The following RESF1 variants were observed in gnomAD, a reference collection of about 807,000 sequenced individuals.
The protein encoded by RESF1 is retroelement silencing factor 1, also known as gonad expressed transcript.
In RESF1, 65 loss-of-function variants were observed where a neutral mutation model predicts 134.7. The ratio of observed to expected loss-of-function variants is 0.48; its 90% CI spans 0.40 to 0.59. The LOEUF is 0.59. Among genes scored for constraint, RESF1 ranks in the 20% least tolerant of loss-of-function variants. The pLI is 0.00. For synonymous variants in RESF1, 762 were observed against 702.2 expected (o/e 1.09, Z -1.35); for missense variants, 2,274 against 2,002.7 (o/e 1.14, Z -2.59).
chr12:31,973,351 C>T (rs920550305), intron 3 of RESF1, among the ~76,000 whole-genome samples: 8 of 151,864 alleles, frequency 5.3e-5, no homozygotes, highest in Non-Finnish European at 1.5e-5. Flanking sequence ...CTCTGTTGCC[C>T]AGGCTGGAGT....
intron 5 of RESF1, among the ~76,000 whole-genome samples, chr12:31,990,764 TA>T (rs1055001631): frequency 4.4e-4 from 67 of 152,294 alleles, no homozygotes; most frequent in African/African-American, 1.6e-3. Context: ...AAATGCCTAT[TA>T]GGGGCGAGTG....
intron 5 of RESF1, among the ~76,000 whole-genome samples, chr12:31,988,288 C>T (rs187192986): frequency 1.6e-3 from 238 of 152,146 alleles, no homozygotes; most frequent in African/African-American, 5.4e-3. Flanking sequence ...TCCGTATCTG[C>T]GTGTTCCGTA....
rs772574817 is a variant in RESF1, at chr12:31,985,388, A to G, written c.4433A>G (p.His1478Arg). 2.5e-6 allele frequency: 4 copies of G among 1,603,938 alleles called. No homozygotes were observed. The highest frequency in any genetic ancestry group is 2.3e-5 in the South Asian group (2 of 88,756). ...AAAAACGTGCCATGTGATTCTGAAC[A>G]TATGAGACCAAGTAAACTTGCCGTG... ...CVKNVPCDSEHMRPSKLAVQV... is the reference protein window; with the variant it reads ...CVKNVPCDSERMRPSKLAVQV... Residue 1478 changes from histidine to arginine, a missense_variant, in exon 4 of 6, where the codon CAT becomes CGT. By Grantham distance (29) the His-to-Arg change is conservative (BLOSUM62 0). Transcript: ENST00000312561.
At position 31,981,811 on chromosome 12, in the gene RESF1, T is replaced by TA; in HGVS notation, c.857dup (p.Tyr286Ter). 6.2e-7 allele frequency: 1 copy of TA among 1,614,012 alleles called. No individual in the cohort carries two copies. The highest frequency in any genetic ancestry group is 8.5e-7 in the Non-Finnish European group (1 of 1,180,022). Residue 286 changes from tyrosine to a stop codon, truncating the protein, a stop_gained and frameshift_variant, in exon 4 of 6, where the codon TAT (tyrosine) becomes TAAT (stop). Coordinates refer to ENST00000312561, the MANE Select transcript of RESF1 (RefSeq NM_018169.4). LOFTEE classifies it high-confidence loss of function. ...TCCTCCTCCTCCTTACAACTGTAGATATGGAAGCCAGCCTTTGCAAAGTAC... is the reference window on the plus strand; with the variant it reads ...TCCTCCTCCTCCTTACAACTGTAGATAATGGAAGCCAGCCTTTGCAAAGTAC... ...RPPPPPYNCRYGSQPLQSTQH... is the reference protein window; with the variant it reads ...RPPPPPYNCR
chr12:31,979,946 TG>T (rs1336233579), intron 3 of RESF1, among the ~76,000 whole-genome samples: 3 of 151,466 alleles, frequency 2.0e-5, no homozygotes, highest in Non-Finnish European at 4.4e-5. Context: ...GTCTAATACT[TG>T]GTTTTCCTGG....
intron 2 of RESF1, among the ~76,000 whole-genome samples, chr12:31,965,255 C>T (rs1051532792): frequency 3.3e-5 from 5 of 152,170 alleles, no homozygotes; most frequent in Non-Finnish European, 5.9e-5. Flanking sequence ...CTGCTCCCTG[C>T]CGGCTACTCC....
At chr12:31,986,494 T>TA (rs1939974264) in intron 4 of RESF1, among the ~76,000 whole-genome samples, 1 of 152,342 alleles carries the variant, frequency 6.6e-6, no homozygotes, top group South Asian at 2.1e-4. Context: ...TTTAAAATGG[T>TA]AACATCTAGC....
chr12:31,976,601 T>A (rs1939639233), intron 3 of RESF1, among the ~76,000 whole-genome samples: 2 of 152,078 alleles, frequency 1.3e-5, no homozygotes, highest in East Asian at 3.9e-4. Flanking sequence ...GAGAATCACT[T>A]GAACCCAGGA....
Position 31,980,895 on chromosome 12 carries a change from A to G in RESF1, c.-61A>G. ...TCTTACAGATTCCTGACATTCAGACAACTGACTTGTAACTGACTTATAACT... is the reference window on the plus strand; with the variant it reads ...TCTTACAGATTCCTGACATTCAGACGACTGACTTGTAACTGACTTATAACT... On this transcript the variant is annotated 5_prime_UTR_variant, in exon 4 of 6. Coordinates refer to ENST00000312561, the MANE Select transcript of RESF1 (RefSeq NM_018169.4). 1 of 1,235,576 alleles carries G rather than the reference A, an allele frequency of 8.1e-7. No individual in the cohort carries two copies. Among genetic ancestry groups the G allele is most frequent in the Admixed American group, 2.5e-5 (1 of 40,802 alleles). The allele number at this position is 1,235,576 out of a possible 1,614,324, so 76.5% of individuals were successfully genotyped here.
intron 5 of RESF1, among the ~76,000 whole-genome samples, chr12:31,990,499 G>C (rs1177739409): frequency 6.6e-6 from 1 of 152,086 alleles, no homozygotes; most frequent in African/African-American, 2.4e-5. Flanking sequence ...CCAGGCTGGA[G>C]TGCAGTGGTG....
At chr12:31,987,164 A>G (rs3213955) in intron 4 of RESF1, 75 bp from the exon 5 acceptor site, 101,277 of 781,684 alleles carry the variant, frequency 0.13, 7,273 homozygotes, top group East Asian at 0.22. Context: ...TTCAGCTTAC[A>G]TGATTTTCCT....
Position 31,983,597 on chromosome 12 carries a change from A to G in RESF1, c.2642A>G (p.Asn881Ser), listed in dbSNP as rs1453053195. Residue 881 changes from asparagine to serine, a missense_variant, in exon 4 of 6, where the codon AAT (asparagine) becomes AGT (serine). By Grantham distance (46) the Asn-to-Ser change is conservative. Coordinates refer to ENST00000312561, the MANE Select transcript of RESF1 (RefSeq NM_018169.4). Reference protein sequence around the residue: ...NDQQISQESRNSTVVSSDTLQ... With the variant: ...NDQQISQESRSSTVVSSDTLQ... The stretch of plus-strand genomic sequence containing the variant: ...CAGCAAATCTCACAGGAGTCAAGGA[A>G]TAGTACTGTTGTGAGTAGTGATACA... 1.2e-6 allele frequency: 2 copies of G among 1,613,934 alleles called. No homozygotes were observed. The highest frequency in any genetic ancestry group is 1.7e-5 in the Admixed American group (1 of 60,006).
intron 3 of RESF1, among the ~76,000 whole-genome samples, chr12:31,976,699 C>A (rs1315708246): frequency 6.6e-6 from 1 of 151,916 alleles, no homozygotes; most frequent in Non-Finnish European, 1.5e-5. Context: ...AAACCAAAAT[C>A]ATAAGAGAAT....
At chr12:31,966,586 G>C (rs967451185) in intron 2 of RESF1, among the ~76,000 whole-genome samples, 9 of 152,188 alleles carry the variant, frequency 5.9e-5, no homozygotes, top group African/African-American at 2.2e-4. Context: ...CTGTGTTAAC[G>C]AGTCAGAAAA....
intron 2 of RESF1, among the ~76,000 whole-genome samples, chr12:31,964,695 C>T (rs1422816954): frequency 6.6e-6 from 1 of 152,170 alleles, no homozygotes; most frequent in Non-Finnish European, 1.5e-5. Flanking sequence ...TTGTGATTTG[C>T]ATTTACCTGA....
chr12:31,971,353 G>A (rs1939503285), intron 3 of RESF1, among the ~76,000 whole-genome samples: 1 of 152,172 alleles, frequency 6.6e-6, no homozygotes, highest in African/African-American at 2.4e-5. Flanking sequence ...GGTTGGTCAG[G>A]CTGGTATTGA....
At chr12:31,990,089 G>C (rs1209004789) in intron 5 of RESF1, among the ~76,000 whole-genome samples, 2 of 152,176 alleles carry the variant, frequency 1.3e-5, no homozygotes, top group African/African-American at 4.8e-5. Context: ...AAACAGGAGA[G>C]ACATGATTAT....
chr12:31,984,305 T>C lies in RESF1; in HGVS notation c.3350T>C (p.Ile1117Thr), dbSNP rs1300535118. The change falls in exon 4 of 6, where the codon ATA becomes ACA. Residue 1117 changes from isoleucine to threonine, a missense_variant. By Grantham distance (89) the Ile-to-Thr change is moderately conservative. Coordinates refer to ENST00000312561, the MANE Select transcript of RESF1 (RefSeq NM_018169.4). ...TTAAGCTCAGAGCAAATGAAAGAAA[T>C]ATTTCCTGAACAGGATGATCAACCC... is the stretch of plus-strand genomic sequence containing the variant. Reference protein sequence around the residue: ...TILSSEQMKEIFPEQDDQPYV... With the variant: ...TILSSEQMKETFPEQDDQPYV... 3 of 1,613,414 alleles carry C rather than the reference T, an allele frequency of 1.9e-6. No individual in the cohort carries two copies. The highest frequency in any genetic ancestry group is 2.7e-5 in the African/African-American group (2 of 74,838).
intron 3 of RESF1, among the ~76,000 whole-genome samples, chr12:31,979,488 T>TGTGTTCTGTTCACCAGC (rs1939720873): frequency 6.6e-6 from 1 of 152,154 alleles, no homozygotes; most frequent in Non-Finnish European, 1.5e-5. Flanking sequence ...AGCACTTCAG[T>TGTGTTCTGTTCACCAGC]GTGTTCTGTT....
Sources: gnomAD v4.1 joint callset for allele counts (sites outside exome capture counted in the v4.1 genomes callset) on GRCh38, gnomAD v4.1.1 for gene constraint, MANE v1.5 for transcripts, NCBI Gene and HGNC (gene_info 2026-07-23, HGNC 2026-07-21) for gene names.